Variants in MSRA observed in about 807,000 individuals in gnomAD.
MSRA encodes the protein mitochondrial peptide methionine sulfoxide reductase.
A neutral mutation model predicts 31.3 loss-of-function variants in MSRA; 54 were observed. That is an observed-to-expected ratio of 1.73 (90% CI 1.39 to 2.17). The LOEUF (loss-of-function observed/expected upper bound fraction) is 2.17. Ranked by LOEUF, MSRA falls within the 30% of genes most tolerant of loss-of-function variation. The probability of loss-of-function intolerance (pLI) is 0.00; values close to 1 mark genes in which losing one functional copy is unlikely to be tolerated. For synonymous variants in MSRA, 169 were observed against 116.5 expected (o/e 1.45, Z -2.90); for missense variants, 507 against 300.9 (o/e 1.69, Z -5.07).
At chr8:10,151,706 G>C (rs1043852490) in intron 1 of MSRA, among the ~76,000 whole-genome samples, 8 of 152,162 alleles carry the variant, frequency 5.3e-5, no homozygotes, top group African/African-American at 1.4e-4. Context: ...TTGAGTGCTT[G>C]GGTTGGGTCA....
chr8:10,193,566 C>G (rs753477059), intron 1 of MSRA, among the ~76,000 whole-genome samples: 2 of 152,154 alleles, frequency 1.3e-5, no homozygotes, highest in Non-Finnish European at 2.9e-5. Context: ...AAGTCAGGCA[C>G]CCAGCAGTGT....
At chr8:10,334,290 A>G (rs370877221) in intron 5 of MSRA, among the ~76,000 whole-genome samples, 1 of 152,128 alleles carries the variant, frequency 6.6e-6, no homozygotes, top group Admixed American at 6.5e-5. Flanking sequence ...GAAACATTTT[A>G]AACACAGCAT....
At chr8:10,413,983 A>G (rs903970114) in intron 5 of MSRA, among the ~76,000 whole-genome samples, 1 of 152,134 alleles carries the variant, frequency 6.6e-6, no homozygotes, top group African/African-American at 2.4e-5. Flanking sequence ...CAGGCAACAT[A>G]GCGAGACCCC....
At chr8:10,357,191 A>G (rs1267482858) in intron 5 of MSRA, among the ~76,000 whole-genome samples, 1 of 152,158 alleles carries the variant, frequency 6.6e-6, no homozygotes, top group Non-Finnish European at 1.5e-5. Context: ...GCACAAATCC[A>G]TTGCTTTACT....
chr8:10,174,884 C>T (rs1404916143), intron 1 of MSRA, among the ~76,000 whole-genome samples: 1 of 152,136 alleles, frequency 6.6e-6, no homozygotes, highest in Non-Finnish European at 1.5e-5. Flanking sequence ...CCTCTGGTGT[C>T]TGTCAATAGA....
intron 1 of MSRA, among the ~76,000 whole-genome samples, chr8:10,136,770 C>T (rs1413959489): frequency 1.3e-5 from 2 of 152,198 alleles, no homozygotes; most frequent in Admixed American, 6.5e-5. Flanking sequence ...TTGCAGGACA[C>T]ACTTCATTGC....
chr8:10,212,722 A>T (rs1189546538), intron 2 of MSRA, among the ~76,000 whole-genome samples: 1 of 152,170 alleles, frequency 6.6e-6, no homozygotes, highest in Non-Finnish European at 1.5e-5. Flanking sequence ...ATTACTTGAG[A>T]TATTCAGATG....
chr8:10,250,520 A>G, intron 3 of MSRA: 1 of 698,574 alleles, frequency 1.4e-6, no homozygotes, highest in Non-Finnish European at 2.6e-6. Flanking sequence ...AAGGAGCTGC[A>G]CAACTTTTCC....
intron 3 of MSRA, among the ~76,000 whole-genome samples, chr8:10,287,221 G>C (rs887362937): frequency 3.9e-5 from 6 of 152,176 alleles, no homozygotes; most frequent in African/African-American, 1.2e-4. Flanking sequence ...GTTACCATTA[G>C]CTCCAATGTT....
At chr8:10,295,523 C>G (rs1438291010) in intron 3 of MSRA, among the ~76,000 whole-genome samples, 2 of 152,190 alleles carry the variant, frequency 1.3e-5, no homozygotes, top group Non-Finnish European at 2.9e-5. Flanking sequence ...CCACGCAGGC[C>G]GAGCTGCTCT....
intron 2 of MSRA, among the ~76,000 whole-genome samples, chr8:10,214,200 G>T (rs1809777189): frequency 6.6e-6 from 1 of 152,144 alleles, no homozygotes; most frequent in African/African-American, 2.4e-5. Context: ...GGTGCCGAGT[G>T]TTCGCGTGAC....
intron 5 of MSRA, among the ~76,000 whole-genome samples, chr8:10,406,740 A>G (rs1177155268): frequency 6.6e-6 from 1 of 152,232 alleles, no homozygotes; most frequent in Non-Finnish European, 1.5e-5. Context: ...TGATTTCTCC[A>G]AAAAGTGCAA....
intron 1 of MSRA, among the ~76,000 whole-genome samples, chr8:10,136,273 T>G (rs1802269820): frequency 6.6e-6 from 1 of 152,196 alleles, no homozygotes; most frequent in Non-Finnish European, 1.5e-5. Flanking sequence ...GAGGGCGTCC[T>G]TATCTATCTC....
chr8:10,301,688 G>A, intron 4 of MSRA, 50 bp downstream of exon 4: 3 of 1,438,478 alleles, frequency 2.1e-6, no homozygotes, highest in Non-Finnish European at 2.9e-6. Flanking sequence ...ATTACAGCTG[G>A]GATAATTAGT....
At chr8:10,353,121 C>A (rs191470933) in intron 5 of MSRA, among the ~76,000 whole-genome samples, 2 of 152,188 alleles carry the variant, frequency 1.3e-5, no homozygotes, top group African/African-American at 4.8e-5. Flanking sequence ...GAGCCACAGA[C>A]AGGCGTGTGC....
intron 1 of MSRA, among the ~76,000 whole-genome samples, chr8:10,101,304 A>G (rs2128933386): frequency 6.6e-6 from 1 of 152,372 alleles, no homozygotes; most frequent in East Asian, 1.9e-4. Flanking sequence ...TCTGGTATGT[A>G]GTAAATACTT....
At chr8:10,259,035 A>T (rs1182840413) in intron 3 of MSRA, among the ~76,000 whole-genome samples, 1 of 151,542 alleles carries the variant, frequency 6.6e-6, no homozygotes, top group East Asian at 1.9e-4. Context: ...TGAACCTGGA[A>T]GGTGGAGGTT....
In MSRA at chr8:10,105,206, C is replaced by T. The variant is rs186788527; in HGVS notation, c.142+50548C>T. Among the ~76,000 whole-genome samples, 390 of 150,916 alleles carry T rather than the reference C, an allele frequency of 2.6e-3. 1 individual carries two copies. The highest frequency in any genetic ancestry group is 4.6e-3 in the Non-Finnish European group (313 of 67,684). Reference sequence around the variant, plus strand: ...ATACCTTCTCAATCTTTTTTTTTCTCATTTTCCTTATGGCAACTTTGGAAA... The same window carrying T: ...ATACCTTCTCAATCTTTTTTTTTCTTATTTTCCTTATGGCAACTTTGGAAA... On this transcript the variant is annotated intron_variant, in intron 1 of 5. Coordinates refer to ENST00000317173, the MANE Select transcript of MSRA (RefSeq NM_012331.5).
intron 3 of MSRA, among the ~76,000 whole-genome samples, chr8:10,245,999 G>A (rs144909046): frequency 6.6e-6 from 1 of 152,124 alleles, no homozygotes; most frequent in Non-Finnish European, 1.5e-5. Context: ...TATAATGCAG[G>A]GATCAGCAAA....
Sources: gnomAD v4.1 joint callset for allele counts (sites outside exome capture counted in the v4.1 genomes callset) on GRCh38, gnomAD v4.1.1 for gene constraint, MANE v1.5 for transcripts, NCBI Gene and HGNC (gene_info 2026-07-23, HGNC 2026-07-21) for gene names.